Variants in HDAC8 observed in about 807,000 individuals in gnomAD.
HDAC8 encodes histone deacetylase-like 1.
Under a neutral mutation model 32.2 loss-of-function variants are expected in HDAC8, and 1 was observed. That is an observed-to-expected ratio of 0.03 (90% CI 0.01 to 0.15). The LOEUF is 0.15. HDAC8 is among the 10% of genes least tolerant of loss of function. The pLI is 1.00. For synonymous variants in HDAC8, 108 were observed against 113.9 expected (o/e 0.95, Z 0.33); for missense variants, 117 against 300.0 (o/e 0.39, Z 4.51).
intron 9 of HDAC8, among the ~76,000 whole-genome samples, chrX:72,369,183 C>G: frequency 9.4e-6 from 1 of 106,439 alleles, no homozygotes; most frequent in Middle Eastern, 4.9e-3. Flanking sequence ...TCGTTTAGTA[C>G]ATTTGAAAAC....
chrX:72,450,988 T>A (rs145381863), intron 9 of HDAC8, among the ~76,000 whole-genome samples: 295 of 111,553 alleles, frequency 2.6e-3, no homozygotes, highest in African/African-American at 8.5e-3. Context: ...ATTTTAGATT[T>A]TGAATTTCCA....
At chrX:72,368,918 T>C (rs2044783824) in intron 9 of HDAC8, among the ~76,000 whole-genome samples, 1 of 112,338 alleles carries the variant, frequency 8.9e-6, no homozygotes, top group Admixed American at 9.4e-5. Flanking sequence ...TGATTTGATA[T>C]GTTACACATG....
At chrX:72,475,924 T>C (rs1481193486) in intron 7 of HDAC8, among the ~76,000 whole-genome samples, 7 of 111,669 alleles carry the variant, frequency 6.3e-5, no homozygotes, top group African/African-American at 2.0e-4. Flanking sequence ...GGGCATCTTT[T>C]CTCTCACTGC....
At chrX:72,400,570 T>C (rs1342309923) in intron 9 of HDAC8, among the ~76,000 whole-genome samples, 1 of 111,945 alleles carries the variant, frequency 8.9e-6, no homozygotes, top group East Asian at 2.8e-4. Flanking sequence ...CTTCTCACAG[T>C]CTACACTGAT....
chrX:72,437,412 C>A (rs1159519791), intron 9 of HDAC8, among the ~76,000 whole-genome samples: 1 of 111,626 alleles, frequency 9.0e-6, no homozygotes, highest in Non-Finnish European at 1.9e-5. Context: ...AACTGGGCTG[C>A]CGTTTGGGCA....
At chrX:72,379,490 GTTTTTT>G (rs1191306787) in intron 9 of HDAC8, among the ~76,000 whole-genome samples, 4 of 38,897 alleles carry the variant, frequency 1.0e-4, no homozygotes, top group African/African-American at 4.4e-4. Context: ...TTTGTTTAGT[GTTTTTT>G]TTTTTTTTTT....
intron 10 of HDAC8, among the ~76,000 whole-genome samples, chrX:72,346,911 G>A (rs2044045361): frequency 8.9e-6 from 1 of 111,737 alleles, no homozygotes; most frequent in African/African-American, 3.3e-5. Context: ...GGCATGTAGT[G>A]TGAGGTAGGA....
At chrX:72,457,222 A>C (rs192356103) in intron 9 of HDAC8, among the ~76,000 whole-genome samples, 1 of 112,179 alleles carries the variant, frequency 8.9e-6, no homozygotes, top group Non-Finnish European at 1.9e-5. Context: ...CTCAACCTAA[A>C]AAAGAACATT....
intron 4 of HDAC8, among the ~76,000 whole-genome samples, chrX:72,547,550 C>A (rs782109018): frequency 9.1e-6 from 1 of 110,157 alleles, no homozygotes; most frequent in African/African-American, 3.3e-5. Context: ...ATCTGGATAT[C>A]AAATTTCCCT....
intron 4 of HDAC8, among the ~76,000 whole-genome samples, chrX:72,545,186 A>G (rs1454251354): frequency 8.9e-6 from 1 of 111,870 alleles, no homozygotes; most frequent in Non-Finnish European, 1.9e-5. Flanking sequence ...TCTTGAAGGC[A>G]GTAGAGAATA....
intron 8 of HDAC8, 197 bp downstream of exon 8, chrX:72,464,362 A>G: frequency 2.3e-6 from 1 of 439,455 alleles, no homozygotes; most frequent in South Asian, 3.3e-5. Context: ...GTCAATGCAC[A>G]TGCTAAGCTG....
intron 10 of HDAC8, among the ~76,000 whole-genome samples, chrX:72,337,441 C>T (rs782420131): frequency 8.1e-5 from 9 of 111,023 alleles, no homozygotes; most frequent in Admixed American, 2.8e-4. Flanking sequence ...TTTTTTTTTC[C>T]TTCATGACGT....
At chrX:72,377,592 T>C (rs1555958579) in intron 9 of HDAC8, among the ~76,000 whole-genome samples, 1 of 112,136 alleles carries the variant, frequency 8.9e-6, no homozygotes. Flanking sequence ...TTAGGTGACA[T>C]ATATTTATAA....
chrX:72,489,373 G>T, intron 6 of HDAC8: 1 of 252,266 alleles, frequency 4.0e-6, no homozygotes, highest in South Asian at 5.9e-5. Flanking sequence ...AAGCATAAGT[G>T]ATCTGTTAAC....
At position 72,462,022 on chromosome X, in the gene HDAC8, A is replaced by G; in HGVS notation, c.987T>C (p.Ser329=). ...TGVILGKTLS[S]EIPDHEFFTA... is the part of the protein sequence containing the mutation. ...TACTTACCTCATGATCTGGGATCTC[A>G]GAGGATAGTGTTTTCCCTAGGATGA... The change falls in exon 9 of 11, where the codon TCT becomes TCC. Residue 329 remains serine (S), a synonymous_variant. Transcript: ENST00000373573. 2 of 1,205,081 alleles carry G rather than the reference A, an allele frequency of 1.7e-6. No homozygotes were observed. Among genetic ancestry groups the G allele is most frequent in the Non-Finnish European group, 1.1e-6 (1 of 889,690 alleles).
chrX:72,517,370 T>C (rs2049841358), intron 4 of HDAC8, among the ~76,000 whole-genome samples: 1 of 112,129 alleles, frequency 8.9e-6, no homozygotes, highest in African/African-American at 3.2e-5. Context: ...TCCCATTCTA[T>C]TGGTTGTATT....
chrX:72,502,534 T>C (rs145736452), intron 4 of HDAC8, among the ~76,000 whole-genome samples: 35 of 111,206 alleles, frequency 3.1e-4, no homozygotes, highest in Middle Eastern at 4.7e-3. Flanking sequence ...ACCCGGGTGA[T>C]GAAATAATCT....
intron 9 of HDAC8, among the ~76,000 whole-genome samples, chrX:72,453,147 T>C (rs1327313264): frequency 1.0e-5 from 1 of 98,070 alleles, no homozygotes; most frequent in Non-Finnish European, 2.0e-5. Context: ...AATAAAAGAC[T>C]GAAAAAAAAA....
At chrX:72,464,458 G>T in intron 8 of HDAC8, 101 bp downstream of exon 8, 2 of 657,821 alleles carry the variant, frequency 3.0e-6, no homozygotes, top group Non-Finnish European at 5.1e-6. Flanking sequence ...AGGTAGGTTG[G>T]TATTATCCAA....
Sources: gnomAD v4.1 joint callset for allele counts (sites outside exome capture counted in the v4.1 genomes callset) on GRCh38, gnomAD v4.1.1 for gene constraint, MANE v1.5 for transcripts, NCBI Gene and HGNC (gene_info 2026-07-23, HGNC 2026-07-21) for gene names.